NPEPL1: variants seen among roughly 807,000 people sequenced by gnomAD.
The protein encoded by NPEPL1 is probable aminopeptidase NPEPL1.
NPEPL1 carries 45 observed loss-of-function variants against 52.4 expected under a neutral mutation model. The ratio of observed to expected loss-of-function variants is 0.86; its 90% CI spans 0.68 to 1.10. The LOEUF is 1.10. Ranked by LOEUF, NPEPL1 falls within the 50% of genes least tolerant of loss-of-function variation. The pLI, the probability that NPEPL1 is intolerant of heterozygous loss-of-function variation, is 0.00. For synonymous variants in NPEPL1, 360 were observed against 314.7 expected, an observed-to-expected ratio of 1.14 and a Z score of -1.52; for missense variants, 696 against 710.9, an observed-to-expected ratio of 0.98 and a Z score of 0.24.
chr20:58,714,618 T>A lies in NPEPL1; in HGVS notation c.1361T>A (p.Phe454Tyr). 1 of 1,598,226 alleles carries A rather than the reference T, an allele frequency of 6.3e-7. No individual in the cohort carries two copies. Among genetic ancestry groups the A allele is most frequent in the Non-Finnish European group, 8.5e-7 (1 of 1,174,000 alleles). ...AGLFIASHIGFDWPGVWVHLD... is the reference protein window; with the variant it reads ...AGLFIASHIGYDWPGVWVHLD... ...CTCTTCATCGCCTCACACATCGGCTTCGACTGGCCCGGAGTCTGGGTCCAC... is the reference window on the plus strand; with the variant it reads ...CTCTTCATCGCCTCACACATCGGCTACGACTGGCCCGGAGTCTGGGTCCAC... The change falls in exon 11 of 12, where the codon TTC (phenylalanine) becomes TAC (tyrosine). Residue 454 changes from phenylalanine (F) to tyrosine (Y), a missense_variant. Coordinates refer to ENST00000356091, the MANE Select transcript of NPEPL1 (RefSeq NM_024663.4).
chr20:58,695,025 GTGTGGTA>G (rs2084439536), intron 3 of NPEPL1, among the ~76,000 whole-genome samples: 2 of 1,646 alleles, frequency 1.2e-3, no homozygotes, highest in Non-Finnish European at 1.3e-3. Flanking sequence ...GTGTGTGTGT[GTGTGGTA>G]TGTGTTGCTG....
chr20:58,712,352 G>A, intron 7 of NPEPL1, 127 bp from the exon 8 acceptor site: 1 of 664,928 alleles, frequency 1.5e-6, no homozygotes. Flanking sequence ...GGCGAGCTTT[G>A]GTCCCTGCAA....
chr20:58,698,690 G>T lies in NPEPL1; in HGVS notation c.514G>T (p.Ala172Ser). The change falls in exon 4 of 12, where the codon GCG (alanine) becomes TCG (serine). Residue 172 changes from alanine (A) to serine (S), a missense_variant. Ala to Ser is a moderately conservative substitution (Grantham distance 99, BLOSUM62 1). Coordinates refer to ENST00000356091, the MANE Select transcript of NPEPL1 (RefSeq NM_024663.4). The part of the protein sequence containing the change: ...PVEVSTLQCL[A>S]NATDGVRLAA... ...ATGGCCTTTTTCTCCCTAGTGCTTA[G>T]CGAATGCCACAGACGGCGTGCGGCT... is the stretch of plus-strand genomic sequence containing the variant. The T allele has an allele frequency of 6.2e-7, 1 of 1,612,638 alleles. No homozygotes were observed.
At chr20:58,698,225 A>G (rs2084531041) in intron 3 of NPEPL1, among the ~76,000 whole-genome samples, 1 of 151,912 alleles carries the variant, frequency 6.6e-6, no homozygotes, top group Non-Finnish European at 1.5e-5. Flanking sequence ...GATACGGCCT[A>G]TGAGAAGTGC....
intron 10 of NPEPL1, 97 bp downstream of exon 10, chr20:58,714,190 GC>G: frequency 2.8e-6 from 4 of 1,408,918 alleles, no homozygotes; most frequent in African/African-American, 1.5e-5. Context: ...GGGAGCTGGG[GC>G]CCCCCAGAAG....
In NPEPL1 at chr20:58,692,837, C is replaced by A; in HGVS notation, c.-64C>A. The A allele has an allele frequency of 1.0e-6, 1 of 976,988 alleles. No individual in the cohort carries two copies. Among genetic ancestry groups the A allele is most frequent in the Non-Finnish European group, 1.2e-6 (1 of 824,504 alleles). The allele number at this position is 976,988 out of a possible 1,614,324, so 60.5% of individuals were successfully genotyped here. A position where few individuals can be genotyped will look rare whatever the true frequency, so the allele number is the denominator to read the frequency against. ...GTGCCGAGGCCGGGCCGGAGCGGGGCGAAGGGGGCCGAGCGGCGGGCCGGG... is the reference window on the plus strand; with the variant it reads ...GTGCCGAGGCCGGGCCGGAGCGGGGAGAAGGGGGCCGAGCGGCGGGCCGGG... On this transcript the variant is annotated 5_prime_UTR_variant, in exon 1 of 12. Coordinates refer to ENST00000356091, the MANE Select transcript of NPEPL1 (RefSeq NM_024663.4). The surrounding 1 kb of genome is among the most constrained non-coding windows in gnomAD (Gnocchi z 5.7).
chr20:58,700,829 C>T (rs969755031), intron 5 of NPEPL1, among the ~76,000 whole-genome samples, 187 bp from the exon 6 acceptor site: 3 of 152,184 alleles, frequency 2.0e-5, no homozygotes, highest in Admixed American at 1.3e-4. Flanking sequence ...CAATCTCAGA[C>T]ATTGGAGCTA....
intron 6 of NPEPL1, chr20:58,704,102 T>C (rs1375917296): frequency 4.1e-6 from 4 of 985,298 alleles, no homozygotes; most frequent in Admixed American, 6.1e-5. Context: ...GCTCCAGCCA[T>C]TGATGCAAAG....
At chr20:58,712,227 C>G (rs889963329) in intron 7 of NPEPL1, among the ~76,000 whole-genome samples, 1 of 152,172 alleles carries the variant, frequency 6.6e-6, no homozygotes, top group Non-Finnish European at 1.5e-5. Flanking sequence ...ACAGCCCAGC[C>G]CATGCCCAGG....
At chr20:58,712,854 C>A (rs557925378) in intron 8 of NPEPL1, 8 of 516,040 alleles carry the variant, frequency 1.6e-5, no homozygotes, top group African/African-American at 1.5e-4. Context: ...ACAGGTCTTT[C>A]CAAAATTTAG....
chr20:58,692,779 G>T, upstream of NPEPL1: 1 of 965,678 alleles, frequency 1.0e-6, no homozygotes, highest in South Asian at 4.7e-5. The surrounding 1 kb of genome is among the most constrained non-coding windows in gnomAD (Gnocchi z 5.7). Context: ...CGGGGGAGGC[G>T]GGGCCCGCGG....
chr20:58,706,126 G>C, intron 6 of NPEPL1, among the ~76,000 whole-genome samples: 1 of 152,186 alleles, frequency 6.6e-6, no homozygotes, highest in East Asian at 1.9e-4. Flanking sequence ...GTAAAAATGT[G>C]TAACACTGTC....
In NPEPL1 at chr20:58,693,131, G is replaced by A. The variant is rs1051571607; in HGVS notation, c.150+81G>A. 9 of 927,266 alleles carry A rather than the reference G, an allele frequency of 9.7e-6. No homozygotes were observed. In the African/African-American group the frequency reaches 1.4e-4, roughly 15 times the overall value. The allele number at this position is 927,266 out of a possible 1,614,324, so 57.4% of individuals were successfully genotyped here. A position where few individuals can be genotyped will look rare whatever the true frequency, so the allele number is the denominator to read the frequency against. On this transcript the variant is annotated intron_variant, in intron 1 of 11. Coordinates refer to ENST00000356091, the MANE Select transcript of NPEPL1 (RefSeq NM_024663.4). ...GGCCCGCGGAGGCCCCGCCTCGCCC[G>A]CCGCACCCCCGCCGCCGCCGGGCCG...
intron 7 of NPEPL1, among the ~76,000 whole-genome samples, chr20:58,707,596 T>G (rs1455649865): frequency 6.6e-6 from 1 of 152,088 alleles, no homozygotes; most frequent in Non-Finnish European, 1.5e-5. Context: ...CTCTGGTGAC[T>G]GGTCTCACCA....
chr20:58,691,364 C>CTTTTT (rs59929508), upstream of NPEPL1: 30 of 177,310 alleles, frequency 1.7e-4, 9 homozygotes, highest in Non-Finnish European at 2.5e-4. Flanking sequence ...CATTCAACAG[C>CTTTTT]TTTTTTTTTT....
At chr20:58,700,888 G>A (rs2084600190) in intron 5 of NPEPL1, 128 bp from the exon 6 acceptor site, 4 of 934,224 alleles carry the variant, frequency 4.3e-6, no homozygotes, top group Admixed American at 4.0e-5. Flanking sequence ...GAAGGGGCAG[G>A]GAGCACCAGG....
intron 6 of NPEPL1, among the ~76,000 whole-genome samples, chr20:58,701,566 G>GAAAC: frequency 6.6e-6 from 1 of 152,166 alleles, no homozygotes; most frequent in South Asian, 2.1e-4. Context: ...GAAGGGTCTG[G>GAAAC]AAACAAAAGC....
upstream of NPEPL1, chr20:58,691,391 TTTTTTTTTTTGAG>T: frequency 3.8e-6 from 2 of 526,904 alleles, no homozygotes; most frequent in Non-Finnish European, 6.6e-6. Context: ...TTTTTTTTTT[TTTTTTTTTTTGAG>T]TGCCTGCTCT....
chr20:58,708,120 C>G (rs1204022084), intron 7 of NPEPL1, among the ~76,000 whole-genome samples: 1 of 152,174 alleles, frequency 6.6e-6, no homozygotes, highest in Non-Finnish European at 1.5e-5. Flanking sequence ...ATTGACTCAT[C>G]AGCCGAGGTT....
Sources: gnomAD v4.1 joint callset for allele counts (sites outside exome capture counted in the v4.1 genomes callset) on GRCh38, gnomAD v4.1.1 for gene constraint, Gnocchi (gnomAD v3.1) non-coding constraint, MANE v1.5 for transcripts, NCBI Gene and HGNC (gene_info 2026-07-23, HGNC 2026-07-21) for gene names.